Variants in SGCD observed in about 807,000 individuals in gnomAD.
SGCD encodes sarcoglycan delta.
SGCD carries 18 observed loss-of-function variants against 36.6 expected under a neutral mutation model. That is an observed-to-expected ratio of 0.49 (90% CI 0.34 to 0.73). The LOEUF (loss-of-function observed/expected upper bound fraction) is 0.73, where lower values mean the gene tolerates loss of function less well. Among genes scored for constraint, SGCD ranks in the 30% least tolerant of loss-of-function variants. The pLI is 0.01. For synonymous variants in SGCD, 133 were observed against 130.6 expected (o/e 1.02, Z -0.12); for missense variants, 387 against 346.7 (o/e 1.12, Z -0.92).
At position 156,759,753 on chromosome 5, in the gene SGCD, C is replaced by G. The variant is rs6886827; in HGVS notation, c.*363C>G. 6.6e-6 allele frequency: 1 copy of G among 152,088 alleles called. No homozygotes were observed. Among genetic ancestry groups the G allele is most frequent in the African/African-American group, 2.4e-5 (1 of 41,358 alleles). The allele number at this position is 152,088 out of a possible 1,614,324, so 9.4% of individuals were successfully genotyped here. Reference sequence around the variant, plus strand: ...ATTCAGAATCACACAGCGTATTAAACACTGACAGAATCTTCATCTAGATAT... The same window carrying G: ...ATTCAGAATCACACAGCGTATTAAAGACTGACAGAATCTTCATCTAGATAT... On this transcript the variant is annotated 3_prime_UTR_variant, in exon 9 of 9. Coordinates refer to ENST00000337851, the MANE Select transcript of SGCD (RefSeq NM_000337.6).
At chr5:156,435,491 TTGAC>T (rs144172041) in intron 3 of SGCD, among the ~76,000 whole-genome samples, 10,284 of 152,228 alleles carry the variant, frequency 0.068, 1,102 homozygotes, top group African/African-American at 0.23. Context: ...CAAATACAAT[TTGAC>T]TGTTTATTTC....
chr5:156,384,442 G>T (rs1771165468), intron 3 of SGCD, among the ~76,000 whole-genome samples: 1 of 151,894 alleles, frequency 6.6e-6, no homozygotes, highest in Non-Finnish European at 1.5e-5. Context: ...TGGTGACTTG[G>T]CTCTCTTTCA....
intron 1 of SGCD, among the ~76,000 whole-genome samples, chr5:156,014,064 G>T (rs767464081): frequency 2.0e-5 from 3 of 151,862 alleles, no homozygotes; most frequent in Non-Finnish European, 4.4e-5. Context: ...TTTGCTAAGG[G>T]ATGAAAATTC....
intron 4 of SGCD, among the ~76,000 whole-genome samples, chr5:156,523,235 G>C (rs535426980): frequency 3.9e-5 from 6 of 152,182 alleles, no homozygotes; most frequent in Non-Finnish European, 8.8e-5. Flanking sequence ...TGACTGTTAA[G>C]TGGTAATTTT....
the SGCD span, among the ~76,000 whole-genome samples, chr5:155,796,610 C>A: frequency 6.6e-6 from 1 of 151,606 alleles, no homozygotes; most frequent in Admixed American, 6.6e-5. Flanking sequence ...TTGAGACCAG[C>A]CTGACCAACA....
intron 3 of SGCD, among the ~76,000 whole-genome samples, chr5:156,367,388 A>G (rs1415098352): frequency 2.0e-5 from 3 of 152,242 alleles, no homozygotes; most frequent in Non-Finnish European, 4.4e-5. Flanking sequence ...AAACAACAAC[A>G]ACAACCTTAA....
At chr5:156,107,875 CAT>C (rs970001373) in intron 1 of SGCD, among the ~76,000 whole-genome samples, 6 of 152,084 alleles carry the variant, frequency 3.9e-5, no homozygotes, top group African/African-American at 7.2e-5. Flanking sequence ...AATGTAGAAA[CAT>C]GTGCTTTTAC....
In SGCD at chr5:156,329,535, G is replaced by C; in HGVS notation, c.-42G>C. On this transcript the variant is annotated splice_region_variant and 5_prime_UTR_variant, in exon 2 of 9. Coordinates refer to ENST00000337851, the MANE Select transcript of SGCD (RefSeq NM_000337.6). ...TTAACCCATATTTGTTCCTTGCAGA[G>C]ACATTACTGCCGGGAGTGTTGAGTG... 6.2e-7 allele frequency: 1 copy of C among 1,609,766 alleles called. No homozygotes were observed. Among genetic ancestry groups the C allele is most frequent in the South Asian group, 1.1e-5 (1 of 90,932 alleles).
chr5:155,850,836 C>T, the SGCD span, among the ~76,000 whole-genome samples: 1 of 152,158 alleles, frequency 6.6e-6, no homozygotes, highest in Non-Finnish European at 1.5e-5. Flanking sequence ...AGACATAATT[C>T]CTGCCTTCAG....
chr5:155,754,603 T>C, the SGCD span, among the ~76,000 whole-genome samples: 2,181 of 152,340 alleles, frequency 0.014, 37 homozygotes, highest in Non-Finnish European at 0.024. Context: ...ATTGCACTGG[T>C]GTGCAGCAAT....
In SGCD at chr5:156,595,042, C is replaced by T. The variant is rs121909295; in HGVS notation, c.493C>T (p.Arg165Ter). Reference protein sequence around the residue: ...NEVVVGAERLRVLGAEGTVFP... With the variant: ...NEVVVGAERL ...AGTGGTAGTAGGAGCTGAAAGATTA[C>T]GAGTTTTAGGTAAGGAAACTTGAAT... The change falls in exon 6 of 9, where the codon CGA becomes TGA. Residue 165 changes from arginine to a stop codon, truncating the protein, a stop_gained. Coordinates refer to ENST00000337851, the MANE Select transcript of SGCD (RefSeq NM_000337.6). LOFTEE classifies it high-confidence loss of function. The T allele has an allele frequency of 6.8e-6, 11 of 1,611,054 alleles. No homozygotes were observed. The highest frequency in any genetic ancestry group is 2.7e-5 in the African/African-American group (2 of 74,952).
At position 156,680,918 on chromosome 5, in the gene SGCD, GGC is replaced by G. The variant is rs529005276; in HGVS notation, c.575+33383_575+33384del. 1.4e-3 allele frequency among the ~76,000 whole-genome samples: 213 copies of G among 152,250 alleles called. 1 individual carries two copies. Among genetic ancestry groups the G allele is most frequent in the African/African-American group, 4.4e-3 (181 of 41,564 alleles). On this transcript the variant is annotated intron_variant, in intron 7 of 8. Transcript: ENST00000337851. ...GACTCGTTTCACTCAGCCTGCCACT[GGC>G]CACTCCTCATGGGAGGGAGTGTGCC...
intron 7 of SGCD, among the ~76,000 whole-genome samples, chr5:156,739,176 A>G (rs1756535125): frequency 1.3e-5 from 2 of 152,316 alleles, no homozygotes; most frequent in Middle Eastern, 3.4e-3. Flanking sequence ...ATTCTAATGC[A>G]ACTAGACTGC....
At chr5:156,510,631 T>G (rs766896914) in intron 4 of SGCD, among the ~76,000 whole-genome samples, 7 of 152,158 alleles carry the variant, frequency 4.6e-5, no homozygotes, top group Non-Finnish European at 7.3e-5. Context: ...TTTACAGCTC[T>G]CAAAACTTGA....
chr5:156,584,936 T>G (rs907947554), intron 4 of SGCD, among the ~76,000 whole-genome samples: 2 of 152,196 alleles, frequency 1.3e-5, no homozygotes, highest in Admixed American at 1.3e-4. Flanking sequence ...TCAGCAAATA[T>G]TTATTGAAAG....
At chr5:156,189,144 T>A (rs751399119) in intron 3 of SGCD, among the ~76,000 whole-genome samples, 4 of 152,226 alleles carry the variant, frequency 2.6e-5, no homozygotes, top group Non-Finnish European at 4.4e-5. Context: ...TTTCCTTCTC[T>A]TTGCCTCCTT....
At chr5:156,483,826 T>C (rs780885400) in intron 3 of SGCD, among the ~76,000 whole-genome samples, 1 of 152,212 alleles carries the variant, frequency 6.6e-6, no homozygotes, top group African/African-American at 2.4e-5. Flanking sequence ...TTGGGGGCAT[T>C]CCCGCTAACA....
chr5:156,347,342 T>C (rs892685153), intron 3 of SGCD, among the ~76,000 whole-genome samples: 2 of 152,188 alleles, frequency 1.3e-5, no homozygotes, highest in Non-Finnish European at 2.9e-5. Flanking sequence ...TTTCAAAAAC[T>C]TATAAATTAG....
At chr5:156,667,334 G>A (rs1041458037) in intron 7 of SGCD, among the ~76,000 whole-genome samples, 1 of 152,110 alleles carries the variant, frequency 6.6e-6, no homozygotes, top group African/African-American at 2.4e-5. Flanking sequence ...GGGGCAGTAT[G>A]ACTGATACCA....
Sources: gnomAD v4.1 joint callset for allele counts (sites outside exome capture counted in the v4.1 genomes callset) on GRCh38, gnomAD v4.1.1 for gene constraint, MANE v1.5 for transcripts, NCBI Gene and HGNC (gene_info 2026-07-23, HGNC 2026-07-21) for gene names.